POM121: variants seen among roughly 807,000 people sequenced by gnomAD.
POM121 encodes the protein nuclear envelope pore membrane protein POM 121.
A neutral mutation model predicts 81.3 loss-of-function variants in POM121; 32 were observed. The observed-to-expected ratio is 0.39, with a 90% CI of 0.30 to 0.53. POM121 has a LOEUF of 0.53. Ranked by LOEUF, POM121 falls within the 20% of genes least tolerant of loss-of-function variation. The pLI is 0.66. For missense variants in POM121, 1,138 were observed against 1,614.6 expected (o/e 0.70, Z 5.06); for synonymous variants, 514 against 694.2 (o/e 0.74, Z 4.08).
Position 72,925,117 on chromosome 7 carries a change from C to T in POM121, c.-5C>T, listed in dbSNP as rs1403772212. ...TTTAAGTCTCCTCCGCGGCGCGGAG[C>T]CGCGATGTCTCCGGCGGCTGCGGCG... On this transcript the variant is annotated 5_prime_UTR_variant, in exon 1 of 13. Coordinates refer to ENST00000434423, the MANE Select transcript of POM121 (RefSeq NM_001387691.1). The T allele has an allele frequency of 1.4e-6, 2 of 1,414,868 alleles. No homozygotes were observed. The highest frequency in any genetic ancestry group is 1.8e-6 in the Non-Finnish European group (2 of 1,098,914). 87.6% of individuals were successfully genotyped at this position (1,414,868 alleles called of 1,614,324 possible). A position where few individuals can be genotyped will look rare whatever the true frequency, so the allele number is the denominator to read the frequency against.
In POM121 at chr7:72,925,371, C is replaced by T. The variant is rs1554496983; in HGVS notation, c.250C>T (p.Arg84Trp). Residue 84 changes from arginine (R) to tryptophan (W), a missense_variant, in exon 1 of 13, where the codon CGG (arginine) becomes TGG (tryptophan). This residue lies in a region of POM121 where 646 missense variants were observed against 633.5 expected (regional missense o/e 1.02). Transcript: ENST00000434423. ...RGSRPLSSFV[R>W]KARHRRPLSS... Reference sequence around the variant, plus strand: ...TTCGCGCCCCTTGTCCTCCTTCGTTCGGAAGGCGCGTCATCGGCGCCCCTT... The same window carrying T: ...TTCGCGCCCCTTGTCCTCCTTCGTTTGGAAGGCGCGTCATCGGCGCCCCTT... 6 of 1,523,078 alleles carry T rather than the reference C, an allele frequency of 3.9e-6. No homozygotes were observed. Among genetic ancestry groups the T allele is most frequent in the Non-Finnish European group, 5.3e-6 (6 of 1,137,162 alleles). The allele number at this position is 1,523,078 out of a possible 1,614,324, so 94.3% of individuals were successfully genotyped here.
At chr7:72,931,133 C>T (rs548327604) in intron 5 of POM121, among the ~76,000 whole-genome samples, 1 of 152,088 alleles carries the variant, frequency 6.6e-6, no homozygotes, top group Admixed American at 6.6e-5. Context: ...ATATCATTAT[C>T]CCTCTTAATA....
At chr7:72,948,563 G>C (rs781994084), downstream of POM121, 1 of 1,613,354 alleles carries the variant, frequency 6.2e-7, no homozygotes, top group South Asian at 1.1e-5. Flanking sequence ...CTGGGTGTGC[G>C]TTCTGGTGCT....
At chr7:72,893,726 A>G (rs1303553102) in intron 3 of POM121, among the ~76,000 whole-genome samples, 1 of 152,154 alleles carries the variant, frequency 6.6e-6, no homozygotes, top group Non-Finnish European at 1.5e-5. Context: ...GACAGCACGT[A>G]GTAGGTGTGG....
In POM121 at chr7:72,925,224, G is replaced by C; in HGVS notation, c.103G>C (p.Val35Leu). 1 of 1,531,366 alleles carries C rather than the reference G, an allele frequency of 6.5e-7. No homozygotes were observed. Among genetic ancestry groups the C allele is most frequent in the South Asian group, 1.2e-5 (1 of 83,616 alleles). The allele number at this position is 1,531,366 out of a possible 1,614,324, so 94.9% of individuals were successfully genotyped here. ...GGGCTGCGGCGGGCCGGCCAGGGCG[G>C]TGCTCCTGGGCCTGTCGCTGGTTGG... is the stretch of plus-strand genomic sequence containing the variant. ...GRGCGGPARAVLLGLSLVGLL... is the reference protein window; with the variant it reads ...GRGCGGPARALLLGLSLVGLL... The change falls in exon 1 of 13, where the codon GTG (valine) becomes CTG (leucine). Residue 35 changes from valine to leucine, a missense_variant. Val to Leu is a conservative substitution (Grantham distance 32). This residue lies in a region of POM121 where 646 missense variants were observed against 633.5 expected (regional missense o/e 1.02). Transcript: ENST00000434423.
At chr7:72,904,123 C>T (rs1464746623) in intron 3 of POM121, among the ~76,000 whole-genome samples, 1 of 152,146 alleles carries the variant, frequency 6.6e-6, no homozygotes, top group Non-Finnish European at 1.5e-5. Flanking sequence ...TACAGCTTTG[C>T]CCTAGGCTTT....
At chr7:72,926,771 C>G in intron 2 of POM121, 31 bp from the exon 3 acceptor site, 2 of 1,607,714 alleles carry the variant, frequency 1.2e-6, no homozygotes, top group Non-Finnish European at 1.7e-6. Context: ...ATTAAAATAT[C>G]TTACAGCTAG....
At chr7:72,937,525 G>A (rs139128490) in intron 5 of POM121, among the ~76,000 whole-genome samples, 4,636 of 151,990 alleles carry the variant, frequency 0.031, 171 homozygotes, top group Non-Finnish European at 0.036. Flanking sequence ...CCTGATGGTG[G>A]CCTCACTGAA....
upstream of POM121, among the ~76,000 whole-genome samples, chr7:72,920,288 A>C (rs1254630225): frequency 1.3e-4 from 20 of 149,908 alleles, no homozygotes; most frequent in African/African-American, 4.9e-4. Context: ...TTATATGCCT[A>C]GTAATACGAT....
intron 5 of POM121, among the ~76,000 whole-genome samples, chr7:72,934,546 T>C (rs578225024): frequency 6.6e-6 from 1 of 152,286 alleles, no homozygotes; most frequent in Non-Finnish European, 1.5e-5. Flanking sequence ...AATCTTTGCC[T>C]ACCTAACCTA....
At chr7:72,906,111 C>T (rs1372891669) in intron 3 of POM121, among the ~76,000 whole-genome samples, 1 of 152,170 alleles carries the variant, frequency 6.6e-6, no homozygotes, top group Non-Finnish European at 1.5e-5. Flanking sequence ...ACTGAAATTT[C>T]TGTGTCATTA....
chr7:72,946,242 C>T lies in POM121; in HGVS notation c.*8C>T. ...CACACCCGCAAAAAGTAGCCTTTGT[C>T]CCCTGTCCCTGTTCCCCCCACCCCT... On this transcript the variant is annotated 3_prime_UTR_variant, in exon 13 of 13. Transcript: ENST00000434423. The T allele has an allele frequency of 6.2e-7, 1 of 1,611,094 alleles. No homozygotes were observed. Among genetic ancestry groups the T allele is most frequent in the South Asian group, 1.1e-5 (1 of 90,912 alleles).
Position 72,943,136 on chromosome 7 carries a change from G to T in POM121, c.3143G>T (p.Gly1048Val). The change falls in exon 11 of 13, where the codon GGC (glycine) becomes GTC (valine). Residue 1048 changes from glycine (G) to valine (V), a missense_variant. Gly to Val is a moderately radical substitution (Grantham distance 109). Transcript: ENST00000434423. The stretch of plus-strand genomic sequence containing the variant: ...TTGAAAGCCACGGCTTCGGCCTTCG[G>T]CGCTCCCGCCAGCTCACAGCCCGCC... ...FGLKATASAF[G>V]APASSQPAFG... The T allele has an allele frequency of 6.2e-7, 1 of 1,613,134 alleles. No homozygotes were observed. The highest frequency in any genetic ancestry group is 8.5e-7 in the Non-Finnish European group (1 of 1,179,672).
chr7:72,936,278 T>G (rs1796494430), intron 5 of POM121, among the ~76,000 whole-genome samples: 1 of 152,066 alleles, frequency 6.6e-6, no homozygotes, highest in Non-Finnish European at 1.5e-5. Flanking sequence ...TCCTCCCACC[T>G]TGGCCTCCCA....
intron 3 of POM121, among the ~76,000 whole-genome samples, chr7:72,907,866 A>T (rs1554493681): frequency 6.6e-6 from 1 of 152,148 alleles, no homozygotes; most frequent in African/African-American, 2.4e-5. Flanking sequence ...GAATTCAGTG[A>T]CATGAATGTG....
intron 3 of POM121, among the ~76,000 whole-genome samples, chr7:72,895,738 G>A (rs1284818216): frequency 6.6e-6 from 1 of 151,760 alleles, no homozygotes; most frequent in African/African-American, 2.4e-5. Context: ...TGGCCAACCC[G>A]TCTCTACTAA....
intron 4 of POM121, among the ~76,000 whole-genome samples, chr7:72,929,208 T>C (rs534980593): frequency 4.6e-5 from 7 of 152,172 alleles, no homozygotes; most frequent in African/African-American, 1.7e-4. Context: ...AATAAAGAAA[T>C]AAGTGAGGGA....
chr7:72,895,618 G>A (rs1239008990), intron 3 of POM121, among the ~76,000 whole-genome samples: 1 of 152,150 alleles, frequency 6.6e-6, no homozygotes, highest in Non-Finnish European at 1.5e-5. Flanking sequence ...CCTAAAGCAT[G>A]GATCTAAATA....
Position 72,943,451 on chromosome 7 carries a change from G to C in POM121, c.3458G>C (p.Gly1153Ala), listed in dbSNP as rs782302944. 1 of 1,612,762 alleles carries C rather than the reference G, an allele frequency of 6.2e-7. No homozygotes were observed. Among genetic ancestry groups the C allele is most frequent in the Non-Finnish European group, 8.5e-7 (1 of 1,179,790 alleles). ...FAGGLGQNAL[G>A]TTGQSTPFAF... The stretch of plus-strand genomic sequence containing the variant: ...GGGGGCTTAGGTCAGAACGCCCTGG[G>C]CACCACCGGCCAGAGCACACCGTTT... The change falls in exon 11 of 13, where the codon GGC becomes GCC. Residue 1153 changes from glycine (G) to alanine (A), a missense_variant. Gly to Ala is a moderately conservative substitution (Grantham distance 60). Around this residue, in one of 7 missense-constraint regions of POM121, gnomAD observed 336 missense variants for 344.3 expected, o/e 0.98. Coordinates refer to ENST00000434423, the MANE Select transcript of POM121 (RefSeq NM_001387691.1).
Sources: gnomAD v4.1 joint callset for allele counts (sites outside exome capture counted in the v4.1 genomes callset) on GRCh38, gnomAD v4.1.1 for gene constraint, gnomAD v4.1.1 regional missense constraint, MANE v1.5 for transcripts, NCBI Gene and HGNC (gene_info 2026-07-23, HGNC 2026-07-21) for gene names.